Variants in ZNF430 observed in about 807,000 individuals in gnomAD.
ZNF430 encodes zinc finger protein 430.
A neutral mutation model predicts 56.7 loss-of-function variants in ZNF430; 35 were observed. The observed-to-expected ratio is 0.62, with a 90% CI of 0.47 to 0.82. The LOEUF is 0.82. ZNF430 is among the 40% of genes least tolerant of loss of function. The pLI, the probability that ZNF430 is intolerant of heterozygous loss-of-function variation, is 0.00. For missense variants in ZNF430, 574 were observed against 661.0 expected (o/e 0.87, Z 1.44); for synonymous variants, 212 against 224.3 (o/e 0.94, Z 0.49).
intron 4 of ZNF430, among the ~76,000 whole-genome samples, chr19:21,051,026 T>C (rs1968274807): frequency 6.6e-6 from 1 of 152,116 alleles, no homozygotes. Context: ...AGATTCCGTC[T>C]GAAAAAAATA....
At chr19:21,050,766 G>A (rs1166709501) in intron 4 of ZNF430, among the ~76,000 whole-genome samples, 1 of 152,134 alleles carries the variant, frequency 6.6e-6, no homozygotes, top group Non-Finnish European at 1.5e-5. Flanking sequence ...AGTGGCTCAT[G>A]CCTGTAATCC....
At chr19:21,028,755 G>A (rs542389106) in intron 2 of ZNF430, among the ~76,000 whole-genome samples, 4 of 151,934 alleles carry the variant, frequency 2.6e-5, no homozygotes, top group Admixed American at 6.6e-5. Context: ...GCGCGATCTC[G>A]GCTCACTGCA....
At position 21,025,964 on chromosome 19, in the gene ZNF430, C is replaced by T. The variant is rs999817879; in HGVS notation, c.96+3083C>T. Reference sequence around the variant, plus strand: ...ATTGAGAACAGAGTGATCCATAAACCTGGTCATCACACTTTTTATGAGATA... The same window carrying T: ...ATTGAGAACAGAGTGATCCATAAACTTGGTCATCACACTTTTTATGAGATA... On this transcript the variant is annotated intron_variant, in intron 2 of 4. Transcript: ENST00000261560. 1.2e-5 allele frequency: 5 copies of T among 416,604 alleles called. No homozygotes were observed. The Admixed American group carries it at 1.7e-4, about 14-fold the overall frequency. 25.8% of individuals were successfully genotyped at this position (416,604 alleles called of 1,614,324 possible). A position where few individuals can be genotyped will look rare whatever the true frequency, so the allele number is the denominator to read the frequency against.
At chr19:21,054,271 GAAT>G (rs1429387137) in intron 4 of ZNF430, among the ~76,000 whole-genome samples, 2 of 151,890 alleles carry the variant, frequency 1.3e-5, no homozygotes, top group Admixed American at 6.6e-5. Context: ...TTGTTTCATT[GAAT>G]AATGTTATTT....
intron 4 of ZNF430, among the ~76,000 whole-genome samples, chr19:21,039,326 C>T (rs1206088055): frequency 6.7e-6 from 1 of 149,610 alleles, no homozygotes; most frequent in East Asian, 1.9e-4. Flanking sequence ...AACTCCTGGA[C>T]TCAAGCAATT....
chr19:21,056,831 G>T lies in ZNF430; in HGVS notation c.523G>T (p.Glu175Ter). ...LNQCLTTTQS[E>*]IFQYDKYVNV... The stretch of plus-strand genomic sequence containing the variant: ...CCAGTGTTTGACAACTACCCAGAGT[G>T]AAATATTTCAATATGATAAATATGT... The change falls in exon 5 of 5, where the codon GAA (glutamate) becomes TAA (stop). Residue 175 changes from glutamate to a stop codon, truncating the protein, a stop_gained. Coordinates refer to ENST00000261560, the MANE Select transcript of ZNF430 (RefSeq NM_025189.4). LOFTEE classifies it high-confidence loss of function. 6.2e-7 allele frequency: 1 copy of T among 1,613,286 alleles called. No homozygotes were observed. The highest frequency in any genetic ancestry group is 8.5e-7 in the Non-Finnish European group (1 of 1,179,714).
At chr19:21,048,526 C>G (rs1010361403) in intron 4 of ZNF430, among the ~76,000 whole-genome samples, 1 of 152,016 alleles carries the variant, frequency 6.6e-6, no homozygotes, top group African/African-American at 2.4e-5. Context: ...AACAGCATCC[C>G]AAGGCAGAAG....
chr19:21,029,686 G>T (rs942481468), intron 2 of ZNF430, among the ~76,000 whole-genome samples: 9 of 152,144 alleles, frequency 5.9e-5, no homozygotes, highest in African/African-American at 1.9e-4. Flanking sequence ...CAGAGTTTTG[G>T]CTGGGTGTGG....
At chr19:21,054,199 T>A (rs867691935) in intron 4 of ZNF430, among the ~76,000 whole-genome samples, 18 of 152,134 alleles carry the variant, frequency 1.2e-4, no homozygotes, top group African/African-American at 4.3e-4. Flanking sequence ...TGCTTAAAAA[T>A]TCAATTTTTG....
intron 2 of ZNF430, among the ~76,000 whole-genome samples, chr19:21,028,189 G>A (rs1331261146): frequency 6.6e-6 from 1 of 152,192 alleles, no homozygotes. Context: ...TGTCAACATA[G>A]ACATCTTAAA....
At chr19:21,040,101 T>C (rs540271911) in intron 4 of ZNF430, among the ~76,000 whole-genome samples, 9 of 152,316 alleles carry the variant, frequency 5.9e-5, no homozygotes, top group African/African-American at 2.2e-4. Flanking sequence ...ATCTTCCAAA[T>C]TGTTGGGATT....
Position 21,058,154 on chromosome 19 carries a change from G to C in ZNF430, c.*133G>C. ...AGTCCTCAATTCTTACCAGACATAA[G>C]ATAATTCTGGCTGGGTGCGGTGGCT... On this transcript the variant is annotated 3_prime_UTR_variant, in exon 5 of 5. Coordinates refer to ENST00000261560, the MANE Select transcript of ZNF430 (RefSeq NM_025189.4). The C allele has an allele frequency of 2.3e-6, 2 of 887,104 alleles. No individual in the cohort carries two copies. Among genetic ancestry groups the C allele is most frequent in the Non-Finnish European group, 3.4e-6 (2 of 596,354 alleles). 55.0% of individuals were successfully genotyped at this position (887,104 alleles called of 1,614,324 possible). A position where few individuals can be genotyped will look rare whatever the true frequency, so the allele number is the denominator to read the frequency against.
intron 1 of ZNF430, among the ~76,000 whole-genome samples, chr19:21,021,823 ATTTTTTTTTTTTT>A (rs71174785): frequency 2.2e-4 from 19 of 85,722 alleles, no homozygotes; most frequent in Non-Finnish European, 2.4e-4. Flanking sequence ...CCTGAGTTAG[ATTTTTTTTTTTTT>A]TTTTTTTTTT....
In ZNF430 at chr19:21,057,228, A is replaced by C; in HGVS notation, c.920A>C (p.His307Pro). The change falls in exon 5 of 5, where the codon CAT becomes CCT. Residue 307 changes from histidine to proline, a missense_variant. Transcript: ENST00000261560. ...TFNRSSHLTT[H>P]KRIHTGEKPY... ...AACCGGTCCTCACACCTTACTACAC[A>C]TAAAAGAATTCATACTGGAGAGAAA... 6.2e-7 allele frequency: 1 copy of C among 1,613,730 alleles called. No individual in the cohort carries two copies. The highest frequency in any genetic ancestry group is 8.5e-7 in the Non-Finnish European group (1 of 1,179,934).
At position 21,057,549 on chromosome 19, in the gene ZNF430, C is replaced by T. The variant is rs1430204612; in HGVS notation, c.1241C>T (p.Ser414Leu). The change falls in exon 5 of 5, where the codon TCG becomes TTG. Residue 414 changes from serine (S) to leucine (L), a missense_variant. Around this residue, in one of 3 missense-constraint regions of ZNF430, gnomAD observed 213 missense variants for 221.0 expected, o/e 0.96. Transcript: ENST00000261560. ...TGTGGCAAAGGCTTTAATTGGTCCT[C>T]GACCCTTACTAAACATAAAAGAATT... ...EECGKGFNWSSTLTKHKRIHT... is the reference protein window; with the variant it reads ...EECGKGFNWSLTLTKHKRIHT... 1.1e-5 allele frequency: 18 copies of T among 1,613,176 alleles called. No homozygotes were observed. Among genetic ancestry groups the T allele is most frequent in the South Asian group, 4.4e-5 (4 of 91,072 alleles).
chr19:21,047,916 G>T (rs556343358), intron 4 of ZNF430, among the ~76,000 whole-genome samples: 1 of 152,272 alleles, frequency 6.6e-6, no homozygotes, highest in East Asian at 1.9e-4. Flanking sequence ...GTACTGCCTG[G>T]ATTGCTCAGA....
chr19:21,051,575 C>T (rs754788332), intron 4 of ZNF430, among the ~76,000 whole-genome samples: 6 of 152,160 alleles, frequency 3.9e-5, no homozygotes, highest in African/African-American at 4.8e-5. Context: ...CGCACTGCAA[C>T]CTCCACCTCC....
intron 4 of ZNF430, among the ~76,000 whole-genome samples, chr19:21,052,468 A>G (rs1029464281): frequency 6.6e-6 from 1 of 152,052 alleles, no homozygotes; most frequent in African/African-American, 2.4e-5. Context: ...CATTCTTTCA[A>G]TATTTGCTTT....
In ZNF430 at chr19:21,057,914, A is replaced by G. The variant is rs767748550; in HGVS notation, c.1606A>G (p.Thr536Ala). 2.5e-6 allele frequency: 4 copies of G among 1,613,444 alleles called. No homozygotes were observed. Among genetic ancestry groups the G allele is most frequent in the East Asian group, 2.2e-5 (1 of 44,844 alleles). Residue 536 changes from threonine to alanine, a missense_variant, in exon 5 of 5, where the codon ACT becomes GCT. By Grantham distance (58) the Thr-to-Ala change is moderately conservative. Around this residue, in one of 3 missense-constraint regions of ZNF430, gnomAD observed 213 missense variants for 221.0 expected, o/e 0.96. Coordinates refer to ENST00000261560, the MANE Select transcript of ZNF430 (RefSeq NM_025189.4). ...STLTKHKVIH[T>A]GEKPYNCEEY... ...TCTTACTAAACATAAGGTAATTCAT[A>G]CTGGAGAGAAACCCTACAACTGTGA...
Sources: allele counts gnomAD v4.1 joint callset (sites outside exome capture counted in the v4.1 genomes callset), GRCh38; gene constraint gnomAD v4.1.1; regional missense constraint gnomAD v4.1.1; transcripts MANE v1.5; gene names NCBI Gene and HGNC (gene_info 2026-07-23, HGNC 2026-07-21).